The following RBM19 variants were observed in gnomAD, a reference collection of about 807,000 sequenced individuals.
The protein encoded by RBM19 is probable RNA-binding protein 19.
In RBM19, 94 loss-of-function variants were observed where a neutral mutation model predicts 116.8. The observed-to-expected ratio is 0.80, with a 90% confidence interval of 0.68 to 0.95. RBM19 has a LOEUF of 0.95. Among genes scored for constraint, RBM19 ranks in the 40% least tolerant of loss-of-function variants. The probability of loss-of-function intolerance (pLI) is 0.00; values close to 1 mark genes in which losing one functional copy is unlikely to be tolerated. For synonymous variants in RBM19, 475 were observed against 494.1 expected (o/e 0.96, Z 0.51); for missense variants, 1,161 against 1,220.7 (o/e 0.95, Z 0.73).
At chr12:113,948,768 G>A (rs1593637213) in intron 10 of RBM19, 65 bp downstream of exon 10, 19 of 1,539,866 alleles carry the variant, frequency 1.2e-5, no homozygotes, top group Admixed American at 1.8e-5. Flanking sequence ...AACCCAGGAC[G>A]TCAGAGTGAG....
chr12:113,934,667 A>T (rs1192769735), intron 16 of RBM19, among the ~76,000 whole-genome samples: 1 of 152,194 alleles, frequency 6.6e-6, no homozygotes, highest in Non-Finnish European at 1.5e-5. Context: ...ACACAATTCC[A>T]GGAAGTGATA....
chr12:113,876,766 A>T (rs1441375772), intron 21 of RBM19, among the ~76,000 whole-genome samples: 2 of 152,062 alleles, frequency 1.3e-5, no homozygotes, highest in Admixed American at 6.6e-5. Context: ...ACTACAGCCT[A>T]GGTGACAGTG....
intron 21 of RBM19, among the ~76,000 whole-genome samples, chr12:113,895,676 G>GGAGGGTGGCACAAGAC (rs1208179522): frequency 1.3e-5 from 2 of 152,136 alleles, no homozygotes; most frequent in Admixed American, 1.3e-4. Flanking sequence ...TCTCCAGGGA[G>GGAGGGTGGCACAAGAC]GAGGGTGGCA....
chr12:113,950,196 C>T lies in RBM19; in HGVS notation c.1001-42G>A, dbSNP rs778254633. On this transcript the variant is annotated intron_variant, in intron 8 of 23. Transcript: ENST00000261741. Reference sequence around the variant, plus strand: ...ACAGAGGTAAAATCTGCAGGCCTTGCAGACACTTGTGGTGGTCCCCAGAGG... The same window carrying T: ...ACAGAGGTAAAATCTGCAGGCCTTGTAGACACTTGTGGTGGTCCCCAGAGG... 6 of 1,504,814 alleles carry T rather than the reference C, an allele frequency of 4.0e-6. No individual in the cohort carries two copies. In the Admixed American group the frequency reaches 8.4e-5, roughly 21 times the overall value. 93.2% of individuals were successfully genotyped at this position (1,504,814 alleles called of 1,614,324 possible).
intron 22 of RBM19, among the ~76,000 whole-genome samples, chr12:113,845,106 C>T (rs1876843184): frequency 1.3e-5 from 2 of 152,194 alleles, no homozygotes. Flanking sequence ...CATTAGTGGG[C>T]TCGCCTCCCA....
chr12:113,871,308 T>C (rs1337149882), intron 21 of RBM19, among the ~76,000 whole-genome samples: 1 of 152,242 alleles, frequency 6.6e-6, no homozygotes, highest in Non-Finnish European at 1.5e-5. Context: ...GCCTATTTAC[T>C]TTTATTTTAG....
chr12:113,955,032 A>C (rs1429227283), intron 7 of RBM19, 99 bp downstream of exon 7: 14 of 1,199,640 alleles, frequency 1.2e-5, no homozygotes, highest in Non-Finnish European at 1.5e-5. Flanking sequence ...CATGTCCTCA[A>C]CCGACTCTAA....
At position 113,949,995 on chromosome 12, in the gene RBM19, A is replaced by G. The variant is rs1332560022; in HGVS notation, c.1072+88T>C. On this transcript the variant is annotated intron_variant, in intron 9 of 23. Transcript: ENST00000261741. ...AGACACTGCATTCTTGGTGGTGGTG[A>G]TGGTGCTGGTACAAGAACGTGTAAA... 1.4e-5 allele frequency: 16 copies of G among 1,172,280 alleles called. No homozygotes were observed. The East Asian group carries it at 2.1e-4, about 16-fold the overall frequency. The allele number at this position is 1,172,280 out of a possible 1,614,324, so 72.6% of individuals were successfully genotyped here.
chr12:113,842,145 C>T (rs1845984000), intron 23 of RBM19, among the ~76,000 whole-genome samples: 1 of 152,214 alleles, frequency 6.6e-6, no homozygotes, highest in African/African-American at 2.4e-5. Context: ...TGGAGACAGT[C>T]AATCCCACAG....
chr12:113,948,253 C>A (rs1871204922), intron 10 of RBM19, among the ~76,000 whole-genome samples: 1 of 152,200 alleles, frequency 6.6e-6, no homozygotes, highest in Non-Finnish European at 1.5e-5. Context: ...ACCCTCCCTT[C>A]CTGCCCTTCA....
At chr12:113,918,163 A>T (rs974423083) in intron 20 of RBM19, among the ~76,000 whole-genome samples, 1 of 151,904 alleles carries the variant, frequency 6.6e-6, no homozygotes, top group African/African-American at 2.4e-5. Flanking sequence ...GCCCCTGTGC[A>T]TTAAACATTC....
At chr12:113,927,610 A>AC (rs79734165) in intron 16 of RBM19, among the ~76,000 whole-genome samples, 64,817 of 147,090 alleles carry the variant, frequency 0.44, 15,128 homozygotes, top group East Asian at 0.76. Context: ...AAAAACAAAA[A>AC]AAAAAAAACC....
intron 22 of RBM19, among the ~76,000 whole-genome samples, chr12:113,856,599 A>G (rs1004159193): frequency 3.3e-5 from 5 of 152,218 alleles, no homozygotes; most frequent in African/African-American, 1.2e-4. Flanking sequence ...AGCCATTCAG[A>G]ACAGCAGTGA....
At chr12:113,884,134 A>AAAAAAAAAAAAT (rs1880356306) in intron 21 of RBM19, among the ~76,000 whole-genome samples, 1 of 150,864 alleles carries the variant, frequency 6.6e-6, no homozygotes, top group Admixed American at 6.6e-5. Context: ...AAAACAAAAA[A>AAAAAAAAAAAAT]CTCGCCAGGC....
intron 22 of RBM19, among the ~76,000 whole-genome samples, chr12:113,851,919 C>T (rs912811892): frequency 5.3e-5 from 8 of 151,788 alleles, no homozygotes; most frequent in Non-Finnish European, 1.2e-4. Flanking sequence ...GGTGTGGAGG[C>T]GCACGTCTGT....
chr12:113,911,455 C>T (rs1211961570), intron 21 of RBM19, among the ~76,000 whole-genome samples: 7 of 152,194 alleles, frequency 4.6e-5, no homozygotes, highest in African/African-American at 9.7e-5. Flanking sequence ...TCAGCACTGC[C>T]GTTGTGGACC....
At chr12:113,838,928 C>T (rs1426175795) in intron 23 of RBM19, among the ~76,000 whole-genome samples, 2 of 152,226 alleles carry the variant, frequency 1.3e-5, no homozygotes, top group Non-Finnish European at 2.9e-5. Flanking sequence ...GGCCACTTCC[C>T]ACTGTCCCTG....
intron 13 of RBM19, among the ~76,000 whole-genome samples, chr12:113,943,235 C>T (rs1870731026): frequency 6.6e-6 from 1 of 152,208 alleles, no homozygotes; most frequent in Non-Finnish European, 1.5e-5. Context: ...GTGTCTTTTC[C>T]CTCATCGGAA....
At chr12:113,829,355 G>A (rs888407190) in intron 23 of RBM19, among the ~76,000 whole-genome samples, 2 of 152,196 alleles carry the variant, frequency 1.3e-5, no homozygotes, top group African/African-American at 4.8e-5. Flanking sequence ...GTGCAGAGCG[G>A]GTGGGCAGGA....
Sources: gnomAD v4.1 joint callset for allele counts (sites outside exome capture counted in the v4.1 genomes callset) on GRCh38, gnomAD v4.1.1 for gene constraint, MANE v1.5 for transcripts, NCBI Gene and HGNC (gene_info 2026-07-23, HGNC 2026-07-21) for gene names.